The following MTA3 variants were observed in gnomAD, a reference collection of about 807,000 sequenced individuals.
MTA3 encodes the protein metastasis associated 1 family member 3, also known as metastasis-associated protein MTA3.
Under a neutral mutation model 83.5 loss-of-function variants are expected in MTA3, and 34 were observed. The observed-to-expected ratio is 0.41, with a 90% CI of 0.31 to 0.54. MTA3 has a LOEUF of 0.54. MTA3 is among the 20% of genes least tolerant of loss of function. The probability of loss-of-function intolerance (pLI) is 0.33; values close to 1 mark genes in which losing one functional copy is unlikely to be tolerated. For synonymous variants in MTA3, 303 were observed against 252.7 expected (o/e 1.20, Z -1.89); for missense variants, 761 against 726.4 (o/e 1.05, Z -0.55).
chr2:42,703,790 TGA>T (rs1454376763), intron 11 of MTA3: 1 of 160,986 alleles, frequency 6.2e-6, no homozygotes, highest in Non-Finnish European at 1.4e-5. Context: ...CTAGGGAGGC[TGA>T]GACAGGAGAA....
chr2:42,566,749 G>C (rs1174238260), upstream of MTA3, among the ~76,000 whole-genome samples: 1 of 152,204 alleles, frequency 6.6e-6, no homozygotes, highest in African/African-American at 2.4e-5. Flanking sequence ...AGGAGAAATT[G>C]CTTATGAAAA....
chr2:42,654,756 A>G (rs939320212), intron 6 of MTA3, among the ~76,000 whole-genome samples: 5 of 152,174 alleles, frequency 3.3e-5, no homozygotes, highest in Admixed American at 2.0e-4. Context: ...TTATAACTAC[A>G]GGCATATGCC....
At chr2:42,589,311 A>G (rs1680695932) in intron 3 of MTA3, among the ~76,000 whole-genome samples, 2 of 152,180 alleles carry the variant, frequency 1.3e-5, no homozygotes, top group Admixed American at 6.5e-5. Context: ...ATTTAAATAC[A>G]TGATGCAAAT....
In MTA3 at chr2:42,727,890, A is replaced by C. The variant is rs772635123; in HGVS notation, c.1759+4855A>C. ...GTTTTGATACAGGCATATAATGCTT[A>C]ATAATCACATGAGGGTAAATGGGTT... On this transcript the variant is annotated intron_variant, in intron 16 of 16. Coordinates refer to ENST00000405094, the MANE Select transcript of MTA3 (RefSeq NM_001330442.2). Among the ~76,000 whole-genome samples, 4 of 152,318 alleles carry C rather than the reference A, an allele frequency of 2.6e-5. No homozygotes were observed. The South Asian group carries it at 8.3e-4, about 32-fold the overall frequency.
intron 15 of MTA3, 29 bp downstream of exon 15, chr2:42,719,103 CA>C (rs777669005): frequency 3.4e-6 from 5 of 1,463,358 alleles, no homozygotes; most frequent in Non-Finnish European, 3.7e-6. Context: ...AGGAAAAACT[CA>C]AAGAGCAATT....
chr2:42,643,995 G>A, intron 5 of MTA3, 132 bp from the exon 6 acceptor site: 1 of 518,132 alleles, frequency 1.9e-6, no homozygotes, highest in Non-Finnish European at 3.3e-6. Context: ...AAAGATTTAT[G>A]AGTTTATTCA....
upstream of MTA3, among the ~76,000 whole-genome samples, chr2:42,563,935 C>T (rs1194794071): frequency 5.3e-5 from 8 of 151,278 alleles, no homozygotes; most frequent in South Asian, 8.4e-4. Context: ...GCCATTCTCC[C>T]GCCTCAGCCT....
intron 2 of MTA3, among the ~76,000 whole-genome samples, chr2:42,547,750 G>A (rs1311400441): frequency 6.6e-6 from 1 of 152,266 alleles, no homozygotes; most frequent in Non-Finnish European, 1.5e-5. Flanking sequence ...TATTAAGCTA[G>A]GTTGCAGTTC....
chr2:42,644,140 A>G lies in MTA3; in HGVS notation c.395A>G (p.Tyr132Cys). 1 of 1,602,224 alleles carries G rather than the reference A, an allele frequency of 6.2e-7. No homozygotes were observed. Among genetic ancestry groups the G allele is most frequent in the Non-Finnish European group, 8.5e-7 (1 of 1,174,186 alleles). ...CATATTTTTCAGGATACCTTCTTCT[A>G]CTCATTGGTCTATGACCCCTCATTG... ...SYLDKEDTFFYSLVYDPSLKT... is the reference protein window; with the variant it reads ...SYLDKEDTFFCSLVYDPSLKT... Residue 132 changes from tyrosine (Y) to cysteine (C), a missense_variant, in exon 6 of 17, where the codon TAC becomes TGC. Coordinates refer to ENST00000405094, the MANE Select transcript of MTA3 (RefSeq NM_001330442.2).
intron 3 of MTA3, among the ~76,000 whole-genome samples, chr2:42,609,081 G>T (rs1362368561): frequency 6.8e-6 from 1 of 147,984 alleles, no homozygotes; most frequent in Non-Finnish European, 1.5e-5. Context: ...ACTCAGGCTG[G>T]TGTGAAGTGT....
chr2:42,600,628 G>T (rs1051276628), intron 3 of MTA3, among the ~76,000 whole-genome samples: 8 of 151,694 alleles, frequency 5.3e-5, no homozygotes, highest in African/African-American at 1.9e-4. Context: ...TGCAACCTCT[G>T]CCTCCTGGGT....
At chr2:42,660,306 C>G (rs1689565298) in intron 8 of MTA3, among the ~76,000 whole-genome samples, 1 of 152,174 alleles carries the variant, frequency 6.6e-6, no homozygotes, top group Non-Finnish European at 1.5e-5. Context: ...CCAGGTTGGT[C>G]TCAAACTTCT....
At chr2:42,711,657 T>TA (rs1478843917) in intron 14 of MTA3, among the ~76,000 whole-genome samples, 3 of 152,170 alleles carry the variant, frequency 2.0e-5, no homozygotes, top group African/African-American at 4.8e-5. Flanking sequence ...TTCTTATACT[T>TA]ACCTTGTTAC....
At chr2:42,610,116 A>T (rs1046388189) in intron 4 of MTA3, among the ~76,000 whole-genome samples, 1 of 152,172 alleles carries the variant, frequency 6.6e-6, no homozygotes, top group Non-Finnish European at 1.5e-5. Context: ...CAAACGAAAA[A>T]AAACAATAAG....
At chr2:42,728,653 A>G (rs1258995830) in intron 16 of MTA3, among the ~76,000 whole-genome samples, 11 of 152,132 alleles carry the variant, frequency 7.2e-5, no homozygotes, top group Non-Finnish European at 1.6e-4. Flanking sequence ...AGCTATTTTA[A>G]CTGGGGCTAA....
At chr2:42,625,755 A>G (rs1686013891) in intron 4 of MTA3, among the ~76,000 whole-genome samples, 2 of 150,822 alleles carry the variant, frequency 1.3e-5, no homozygotes. Flanking sequence ...TCAAAAAAAA[A>G]AAAAAAAAAA....
intron 14 of MTA3, among the ~76,000 whole-genome samples, chr2:42,714,491 CA>C (rs1666884988): frequency 6.6e-6 from 1 of 152,076 alleles, no homozygotes; most frequent in African/African-American, 2.4e-5. Context: ...TTCTTGAATG[CA>C]CATGTGGGAT....
At chr2:42,595,409 A>G (rs952351437) in intron 3 of MTA3, among the ~76,000 whole-genome samples, 2 of 151,978 alleles carry the variant, frequency 1.3e-5, no homozygotes, top group Non-Finnish European at 2.9e-5. Context: ...TGTGCCCGGC[A>G]TGTTTTTATA....
At chr2:42,675,644 C>G (rs1450315493) in intron 8 of MTA3, among the ~76,000 whole-genome samples, 1 of 152,140 alleles carries the variant, frequency 6.6e-6, no homozygotes, top group African/African-American at 2.4e-5. Context: ...CTCTAACAAT[C>G]AATTAGTTGT....
Sources: gnomAD v4.1 joint callset for allele counts (sites outside exome capture counted in the v4.1 genomes callset) on GRCh38, gnomAD v4.1.1 for gene constraint, MANE v1.5 for transcripts, NCBI Gene and HGNC (gene_info 2026-07-23, HGNC 2026-07-21) for gene names.